PSD3: variants seen among roughly 807,000 people sequenced by gnomAD.
The protein encoded by PSD3 is pleckstrin and Sec7 domain containing 3.
PSD3 carries 49 observed loss-of-function variants against 105.5 expected under a neutral mutation model. That is an observed-to-expected ratio of 0.46 (90% CI 0.37 to 0.59). The LOEUF is 0.59. Among genes scored for constraint, PSD3 ranks in the 20% least tolerant of loss-of-function variants. The pLI, the probability that PSD3 is intolerant of heterozygous loss-of-function variation, is 0.00. For missense variants in PSD3, 1,561 were observed against 1,263.8 expected (o/e 1.24, Z -3.57); for synonymous variants, 557 against 457.8 (o/e 1.22, Z -2.77).
intron 1 of PSD3, among the ~76,000 whole-genome samples, chr8:18,975,139 G>C (rs74930521): frequency 0.015 from 2,267 of 152,162 alleles, 63 homozygotes; most frequent in African/African-American, 0.052. Flanking sequence ...GGGTTGGAAG[G>C]GTGGGGAAGA....
intron 4 of PSD3, among the ~76,000 whole-genome samples, chr8:18,855,785 G>A (rs141166801): frequency 2.0e-5 from 3 of 152,364 alleles, no homozygotes; most frequent in African/African-American, 7.2e-5. Flanking sequence ...CGTAGGGAAG[G>A]AAAGAGAGGA....
At chr8:18,944,770 T>C (rs1417960619) in intron 1 of PSD3, among the ~76,000 whole-genome samples, 1 of 152,168 alleles carries the variant, frequency 6.6e-6, no homozygotes, top group Non-Finnish European at 1.5e-5. Flanking sequence ...ATTTATTGCT[T>C]TTTTATTTCA....
intron 1 of PSD3, among the ~76,000 whole-genome samples, chr8:19,044,005 T>C (rs911922177): frequency 2.6e-5 from 4 of 152,182 alleles, no homozygotes; most frequent in African/African-American, 9.6e-5. Context: ...AGCACCTTCC[T>C]CTGGGAGTCC....
At chr8:18,669,859 G>C (rs1044248531) in intron 9 of PSD3, among the ~76,000 whole-genome samples, 4 of 152,124 alleles carry the variant, frequency 2.6e-5, no homozygotes, top group African/African-American at 7.2e-5. Flanking sequence ...ACTAATTCAT[G>C]TTTGTAACAC....
At chr8:18,877,791 C>T (rs1817834824) in intron 2 of PSD3, among the ~76,000 whole-genome samples, 1 of 152,070 alleles carries the variant, frequency 6.6e-6, no homozygotes, top group African/African-American at 2.4e-5. Flanking sequence ...ATCCCTCCCG[C>T]CTCAGCCTTC....
At chr8:18,752,184 T>A (rs1460556532) in intron 9 of PSD3, among the ~76,000 whole-genome samples, 1 of 151,706 alleles carries the variant, frequency 6.6e-6, no homozygotes, top group Non-Finnish European at 1.5e-5. Flanking sequence ...TCTCAAAAAA[T>A]AAAAAATTAT....
At position 18,695,272 on chromosome 8, in the gene PSD3, G is replaced by A. The variant is rs533892915; in HGVS notation, c.2173-39587C>T. ...AATGAAATCTTAATCTCTCTCAGAG[G>A]AAACTGCAGACACAACAGTCATTGA... On this transcript the variant is annotated intron_variant, in intron 9 of 15. Coordinates refer to ENST00000327040, the MANE Select transcript of PSD3 (RefSeq NM_015310.4). 1.4e-3 allele frequency among the ~76,000 whole-genome samples: 47 copies of A among 32,450 alleles called. No homozygotes were observed. In the South Asian group the frequency reaches 0.027, roughly 18 times the overall value. The allele number at this position is 32,450 out of a possible 152,430, so 21.3% of individuals were successfully genotyped here.
intron 10 of PSD3, among the ~76,000 whole-genome samples, chr8:18,635,084 T>C (rs1382222424): frequency 3.3e-5 from 5 of 152,292 alleles, no homozygotes; most frequent in East Asian, 3.9e-4. Flanking sequence ...TCAAATACTA[T>C]TGTTATTTAA....
intron 1 of PSD3, among the ~76,000 whole-genome samples, chr8:19,071,709 G>A (rs554189525): frequency 3.6e-5 from 4 of 112,026 alleles, no homozygotes; most frequent in Admixed American, 9.3e-5. Flanking sequence ...GTCTGCCTCC[G>A]ACTTCTTCTT....
At chr8:18,906,405 C>T (rs192296299) in intron 2 of PSD3, among the ~76,000 whole-genome samples, 6 of 152,162 alleles carry the variant, frequency 3.9e-5, no homozygotes, top group African/African-American at 1.2e-4. Context: ...TAGAAGGTGT[C>T]GAAGATCATA....
chr8:18,668,459 C>G (rs1799606481), intron 9 of PSD3, among the ~76,000 whole-genome samples: 1 of 152,176 alleles, frequency 6.6e-6, no homozygotes, highest in Admixed American at 6.5e-5. Context: ...TGCTAAGAGC[C>G]TGACTTTCAC....
At chr8:19,050,865 A>T (rs1003480259) in intron 1 of PSD3, among the ~76,000 whole-genome samples, 41 of 152,184 alleles carry the variant, frequency 2.7e-4, no homozygotes, top group Admixed American at 2.7e-3. Context: ...TAAGGAATTA[A>T]ACAAGTGGGC....
At chr8:18,891,854 T>C (rs1025338913) in intron 2 of PSD3, among the ~76,000 whole-genome samples, 1 of 152,236 alleles carries the variant, frequency 6.6e-6, no homozygotes, top group African/African-American at 2.4e-5. Context: ...TCTCTTCTGG[T>C]ATCTTTTTGA....
intron 4 of PSD3, chr8:18,849,716 G>A (rs536344819): frequency 1.3e-5 from 2 of 152,254 alleles, no homozygotes; most frequent in South Asian, 2.1e-4. Context: ...TCTCTGAGGT[G>A]GATTCTTTCC....
chr8:18,965,691 G>C (rs1380018925), intron 1 of PSD3, among the ~76,000 whole-genome samples: 4 of 152,246 alleles, frequency 2.6e-5, no homozygotes, highest in East Asian at 1.9e-4. Context: ...TGTAGGTCAA[G>C]CTTGCAAGAT....
intron 11 of PSD3, among the ~76,000 whole-genome samples, chr8:18,606,854 C>A (rs187850828): frequency 3.3e-5 from 5 of 152,178 alleles, no homozygotes; most frequent in Non-Finnish European, 1.5e-5. Context: ...TATACCTATA[C>A]GTTCTATGTG....
chr8:18,740,155 T>C (rs11203992), intron 9 of PSD3, among the ~76,000 whole-genome samples: 5,259 of 152,220 alleles, frequency 0.035, 289 homozygotes, highest in East Asian at 0.25. Flanking sequence ...TAGCACGGCG[T>C]TGCTTTCCTG....
intron 14 of PSD3, among the ~76,000 whole-genome samples, chr8:18,567,220 T>C (rs1452005721): frequency 1.3e-5 from 2 of 151,966 alleles, no homozygotes; most frequent in Non-Finnish European, 2.9e-5. Flanking sequence ...AAAAGAACAA[T>C]GGGAAAGTCC....
At chr8:18,998,529 T>C (rs10100813) in intron 1 of PSD3, among the ~76,000 whole-genome samples, 57,915 of 151,644 alleles carry the variant, frequency 0.38, 11,919 homozygotes, top group Middle Eastern at 0.59. Context: ...CTACTAAAAA[T>C]ACGAAAAATT....
Sources: allele counts gnomAD v4.1 joint callset (sites outside exome capture counted in the v4.1 genomes callset), GRCh38; gene constraint gnomAD v4.1.1; transcripts MANE v1.5; gene names NCBI Gene and HGNC (gene_info 2026-07-23, HGNC 2026-07-21).